RSF1: variants seen among roughly 807,000 people sequenced by gnomAD.
The protein encoded by RSF1 is remodeling and spacing factor 1, also known as HBV pX-associated protein 8.
In RSF1, 13 loss-of-function variants were observed where a neutral mutation model predicts 145.2. The observed-to-expected ratio is 0.09, with a 90% CI of 0.06 to 0.14. The LOEUF (loss-of-function observed/expected upper bound fraction) is 0.14. Ranked by LOEUF, RSF1 falls within the 10% of genes least tolerant of loss-of-function variation. The pLI is 1.00. For missense variants in RSF1, 1,517 were observed against 1,718.2 expected (o/e 0.88, Z 2.07); for synonymous variants, 577 against 592.6 (o/e 0.97, Z 0.38).
the RSF1 span, chr11:77,866,620 A>G: frequency 6.6e-6 from 1 of 152,118 alleles, no homozygotes; most frequent in African/African-American, 2.4e-5. Flanking sequence ...CCAGAGGATT[A>G]TGGGTTTGTA....
chr11:77,698,138 T>C (rs1345567822), intron 7 of RSF1, among the ~76,000 whole-genome samples: 1 of 152,058 alleles, frequency 6.6e-6, no homozygotes, highest in Non-Finnish European at 1.5e-5. Context: ...GTGGCCACCA[T>C]GCCAGGCAGA....
chr11:77,681,486 C>T (rs1035452769), intron 11 of RSF1, among the ~76,000 whole-genome samples: 3 of 152,090 alleles, frequency 2.0e-5, no homozygotes, highest in Non-Finnish European at 4.4e-5. Flanking sequence ...CTCTATGATG[C>T]CCAGGATGGT....
chr11:77,730,084 T>A (rs1961165691), intron 4 of RSF1, among the ~76,000 whole-genome samples: 1 of 152,020 alleles, frequency 6.6e-6, no homozygotes, highest in Non-Finnish European at 1.5e-5. Flanking sequence ...TATAACCCAA[T>A]TAAGTAGGTA....
chr11:77,846,768 C>T, the RSF1 span, among the ~76,000 whole-genome samples: 1 of 152,130 alleles, frequency 6.6e-6, no homozygotes, highest in African/African-American at 2.4e-5. Flanking sequence ...TGATCTCTCC[C>T]AGTTTTTATT....
chr11:77,806,996 A>G (rs1296941037), intron 1 of RSF1, among the ~76,000 whole-genome samples: 1 of 152,190 alleles, frequency 6.6e-6, no homozygotes, highest in Non-Finnish European at 1.5e-5. Context: ...GAATAAGAGA[A>G]AATTAATTCC....
At chr11:77,808,037 T>A (rs898876776) in intron 1 of RSF1, among the ~76,000 whole-genome samples, 7 of 152,106 alleles carry the variant, frequency 4.6e-5, no homozygotes, top group Non-Finnish European at 8.8e-5. Context: ...AAAAATTTTT[T>A]AAATAAAAAA....
At chr11:77,859,315 C>G in the RSF1 span, among the ~76,000 whole-genome samples, 1 of 152,196 alleles carries the variant, frequency 6.6e-6, no homozygotes, top group Non-Finnish European at 1.5e-5. Flanking sequence ...TAGTTCCCTT[C>G]TATTTCCCTT....
At chr11:77,822,964 C>T (rs1025213073), upstream of RSF1, among the ~76,000 whole-genome samples, 2 of 152,010 alleles carry the variant, frequency 1.3e-5, no homozygotes, top group African/African-American at 4.8e-5. Context: ...GCCTGTAATC[C>T]CAGCACTTTG....
chr11:77,787,333 A>G (rs1948466973), intron 1 of RSF1, among the ~76,000 whole-genome samples: 1 of 152,228 alleles, frequency 6.6e-6, no homozygotes, highest in South Asian at 2.1e-4. Context: ...CTATTTTTGT[A>G]TAGCCCAAGA....
intron 4 of RSF1, among the ~76,000 whole-genome samples, chr11:77,736,116 G>A (rs1320332280): frequency 2.0e-5 from 3 of 152,132 alleles, no homozygotes; most frequent in South Asian, 2.1e-4. Context: ...AAACTTGCAC[G>A]TTTAATTGAA....
At position 77,743,437 on chromosome 11, in the gene RSF1, T is replaced by G. The variant is rs964929953; in HGVS notation, c.373-2501A>C. ...GTTTTCAGTATAGAGATCTTTTACCTCTTTGGTCAAATTTACTCCTAAATA... is the reference window on the plus strand; with the variant it reads ...GTTTTCAGTATAGAGATCTTTTACCGCTTTGGTCAAATTTACTCCTAAATA... On this transcript the variant is annotated intron_variant, in intron 3 of 15. Coordinates refer to ENST00000308488, the MANE Select transcript of RSF1 (RefSeq NM_016578.4). Among the ~76,000 whole-genome samples, 9 of 152,238 alleles carry G rather than the reference T, an allele frequency of 5.9e-5. 1 individual carries two copies. Among genetic ancestry groups the G allele is most frequent in the Non-Finnish European group, 1.3e-4 (9 of 68,036 alleles).
Position 77,737,879 on chromosome 11 carries a change from C to A in RSF1, c.578+2852G>T, listed in dbSNP as rs549670782. On this transcript the variant is annotated intron_variant, in intron 4 of 15. Coordinates refer to ENST00000308488, the MANE Select transcript of RSF1 (RefSeq NM_016578.4). ...GCACGGTGGCTCACGCCTGTAATCCCAGCACTTTGGGAGGCTGAGGCGGGC... is the reference window on the plus strand; with the variant it reads ...GCACGGTGGCTCACGCCTGTAATCCAAGCACTTTGGGAGGCTGAGGCGGGC... 4.1e-4 allele frequency among the ~76,000 whole-genome samples: 63 copies of A among 152,272 alleles called. 1 individual carries two copies. Among genetic ancestry groups the A allele is most frequent in the African/African-American group, 1.5e-3 (61 of 41,568 alleles).
intron 10 of RSF1, among the ~76,000 whole-genome samples, chr11:77,684,669 A>C (rs1451250774): frequency 1.3e-5 from 2 of 152,186 alleles, no homozygotes; most frequent in African/African-American, 4.8e-5. Context: ...TTAAATTTCC[A>C]TTTTTAATAC....
the RSF1 span, among the ~76,000 whole-genome samples, chr11:77,844,850 C>A: frequency 6.6e-6 from 1 of 152,076 alleles, no homozygotes; most frequent in Non-Finnish European, 1.5e-5. Flanking sequence ...GGAAGTAGAT[C>A]CTTCATTTTT....
At chr11:77,871,036 C>T in the RSF1 span, among the ~76,000 whole-genome samples, 29 of 152,170 alleles carry the variant, frequency 1.9e-4, no homozygotes, top group Non-Finnish European at 4.0e-4. Flanking sequence ...ATCAGTAGGG[C>T]TCAAGCAATC....
the RSF1 span, among the ~76,000 whole-genome samples, chr11:77,832,573 G>A: frequency 6.6e-6 from 1 of 151,904 alleles, no homozygotes; most frequent in Non-Finnish European, 1.5e-5. Flanking sequence ...TGATCCACCC[G>A]CCTCAGCCTC....
At chr11:77,673,068 C>CT (rs1176104463) in intron 14 of RSF1, among the ~76,000 whole-genome samples, 1 of 152,194 alleles carries the variant, frequency 6.6e-6, no homozygotes, top group Non-Finnish European at 1.5e-5. Flanking sequence ...CATGACTGCT[C>CT]TTCTTGGTAG....
At chr11:77,865,267 AAAG>A in the RSF1 span, among the ~76,000 whole-genome samples, 1 of 152,236 alleles carries the variant, frequency 6.6e-6, no homozygotes, top group African/African-American at 2.4e-5. Flanking sequence ...TCAGTAGCAT[AAAG>A]AAGATAGAAG....
Position 77,764,654 on chromosome 11 carries a change from T to C in RSF1, c.223A>G (p.Met75Val). Residue 75 changes from methionine to valine, a missense_variant, in exon 2 of 16, where the codon ATG (methionine) becomes GTG (valine). Coordinates refer to ENST00000308488, the MANE Select transcript of RSF1 (RefSeq NM_016578.4). Reference sequence around the variant, plus strand: ...GTAACAGATTTGCCAATTTTCCTCATCAGCTTCAAATGGAGCTCCACCAAT... The same window carrying C: ...GTAACAGATTTGCCAATTTTCCTCACCAGCTTCAAATGGAGCTCCACCAAT... ...KELVELHLKL[M>V]RKIGKSVTAD... The C allele has an allele frequency of 6.2e-7, 1 of 1,609,888 alleles. No homozygotes were observed.
Sources: allele counts gnomAD v4.1 joint callset (sites outside exome capture counted in the v4.1 genomes callset), GRCh38; gene constraint gnomAD v4.1.1; transcripts MANE v1.5; gene names NCBI Gene and HGNC (gene_info 2026-07-23, HGNC 2026-07-21).